Variants in TRAM2 observed in about 807,000 individuals in gnomAD.
TRAM2 encodes the protein translocating chain-associated membrane protein 2.
TRAM2 carries 12 observed loss-of-function variants against 51.0 expected under a neutral mutation model. That is an observed-to-expected ratio of 0.24 (90% CI 0.15 to 0.38). The LOEUF is 0.38. TRAM2 is among the 10% of genes least tolerant of loss of function. TRAM2 has a pLI of 1.00. For missense variants in TRAM2, 361 were observed against 462.0 expected, an observed-to-expected ratio of 0.78 and a Z score of 2.00; for synonymous variants, 175 against 179.4, an observed-to-expected ratio of 0.98 and a Z score of 0.20.
At chr6:52,533,681 T>A (rs1216643750) in intron 2 of TRAM2, among the ~76,000 whole-genome samples, 2 of 152,228 alleles carry the variant, frequency 1.3e-5, no homozygotes, top group African/African-American at 4.8e-5. Context: ...CATGGCTATA[T>A]CCTCCATGAG....
intron 1 of TRAM2, among the ~76,000 whole-genome samples, chr6:52,544,037 C>A (rs538781851): frequency 6.6e-6 from 1 of 152,116 alleles, no homozygotes; most frequent in Non-Finnish European, 1.5e-5. Flanking sequence ...GCATGTTGAC[C>A]CCCACATTTT....
At chr6:52,503,508 TCTGA>T (rs1766281407) in intron 10 of TRAM2, among the ~76,000 whole-genome samples, 1 of 151,886 alleles carries the variant, frequency 6.6e-6, no homozygotes, top group African/African-American at 2.4e-5. Context: ...AGGCTTGGTC[TCTGA>T]CTGCACTTTA....
Position 52,504,722 on chromosome 6 carries a change from TG to T in TRAM2, c.907del (p.Gln303ArgfsTer52). The T allele has an allele frequency of 6.2e-7, 1 of 1,610,500 alleles. No homozygotes were observed. Among genetic ancestry groups the T allele is most frequent in the Non-Finnish European group, 8.5e-7 (1 of 1,179,038 alleles). The stretch of plus-strand genomic sequence containing the variant: ...GATGAAGCGCCACATGAGCCAGGCC[TG>T]GGCGGCACACACCAGCAGCAGCACG... ...LCVLLLVCAA[Q>X]AWLMWRFIHS... On this transcript the variant is annotated frameshift_variant, in exon 10 of 11. Coordinates refer to ENST00000182527, the MANE Select transcript of TRAM2 (RefSeq NM_012288.4). LOFTEE classifies it high-confidence loss of function.
chr6:52,572,005 C>T (rs568502879), intron 1 of TRAM2, among the ~76,000 whole-genome samples: 148 of 152,266 alleles, frequency 9.7e-4, no homozygotes, highest in African/African-American at 3.5e-3. Flanking sequence ...CACATTTGTG[C>T]CAAGGAAAGA....
intron 2 of TRAM2, among the ~76,000 whole-genome samples, chr6:52,529,042 C>G (rs1219547497): frequency 2.0e-5 from 3 of 152,106 alleles, no homozygotes; most frequent in Non-Finnish European, 4.4e-5. Flanking sequence ...AAGTGCCCAC[C>G]ACCACGCCCG....
intron 2 of TRAM2, among the ~76,000 whole-genome samples, chr6:52,529,189 C>A (rs1358626240): frequency 6.6e-6 from 1 of 152,182 alleles, no homozygotes; most frequent in East Asian, 1.9e-4. Flanking sequence ...CCGTGCCCAG[C>A]CACAAATGTG....
rs1345493385 is a variant in TRAM2, at chr6:52,497,652, A to G, written c.*5545T>C. 6.6e-6 allele frequency: 1 copy of G among 152,444 alleles called. No homozygotes were observed. The highest frequency in any genetic ancestry group is 1.5e-5 in the Non-Finnish European group (1 of 68,032). The allele number at this position is 152,444 out of a possible 1,614,324, so 9.4% of individuals were successfully genotyped here. On this transcript the variant is annotated 3_prime_UTR_variant, in exon 11 of 11. Transcript: ENST00000182527. The stretch of plus-strand genomic sequence containing the variant: ...AGTTCCTTGTTGAAATTTGGTCCAT[A>G]TGAACAGGCTAGAGTAGAAAACAGA...
At chr6:52,512,901 C>T (rs1303063744) in intron 4 of TRAM2, among the ~76,000 whole-genome samples, 4 of 152,208 alleles carry the variant, frequency 2.6e-5, no homozygotes, top group African/African-American at 4.8e-5. Context: ...GGTACAAGCA[C>T]CAGCATTAAG....
chr6:52,513,226 T>C (rs547717322), intron 4 of TRAM2, among the ~76,000 whole-genome samples: 3 of 152,348 alleles, frequency 2.0e-5, no homozygotes, highest in Admixed American at 1.3e-4. Context: ...AGGAATTTGC[T>C]TTTTTGAACT....
At chr6:52,531,739 A>G (rs1022407035) in intron 2 of TRAM2, among the ~76,000 whole-genome samples, 1 of 152,178 alleles carries the variant, frequency 6.6e-6, no homozygotes, top group Non-Finnish European at 1.5e-5. Context: ...CCACACTCAG[A>G]AACATCTTCT....
intron 1 of TRAM2, among the ~76,000 whole-genome samples, chr6:52,561,393 C>CT (rs536384086): frequency 9.0e-4 from 137 of 152,322 alleles, no homozygotes; most frequent in African/African-American, 3.2e-3. Flanking sequence ...AATGATTCTC[C>CT]TGCCTCAGCC....
At chr6:52,566,249 G>A (rs1181760663) in intron 1 of TRAM2, among the ~76,000 whole-genome samples, 1 of 152,072 alleles carries the variant, frequency 6.6e-6, no homozygotes, top group African/African-American at 2.4e-5. Context: ...AACTTTCACT[G>A]TCCTTGCCCG....
At chr6:52,508,104 C>T in intron 6 of TRAM2, 130 bp downstream of exon 6, 1 of 813,002 alleles carries the variant, frequency 1.2e-6, no homozygotes. Context: ...GTTGCTCAAT[C>T]CCCAACATAT....
Position 52,516,139 on chromosome 6 carries a change from A to G in TRAM2, c.295-17T>C. On this transcript the variant is annotated splice_polypyrimidine_tract_variant and intron_variant, in intron 3 of 10. Transcript: ENST00000182527. ...GCTGATTTTCTAAAGAATAAAGAAAACCCCTCATATTAATATACAAATGTA... is the reference window on the plus strand; with the variant it reads ...GCTGATTTTCTAAAGAATAAAGAAAGCCCCTCATATTAATATACAAATGTA... The G allele has an allele frequency of 2.5e-6, 4 of 1,604,154 alleles. No homozygotes were observed. Among genetic ancestry groups the G allele is most frequent in the Non-Finnish European group, 3.4e-6 (4 of 1,171,526 alleles).
intron 1 of TRAM2, among the ~76,000 whole-genome samples, chr6:52,541,454 T>G (rs955422054): frequency 4.6e-5 from 7 of 152,184 alleles, no homozygotes; most frequent in African/African-American, 1.7e-4. Flanking sequence ...AAAGGTAAAC[T>G]TTACCTGATT....
At chr6:52,565,533 G>A (rs985302626) in intron 1 of TRAM2, among the ~76,000 whole-genome samples, 4 of 152,116 alleles carry the variant, frequency 2.6e-5, no homozygotes, top group Non-Finnish European at 5.9e-5. Flanking sequence ...GTCACCAACA[G>A]GCCTTGGTAA....
At chr6:52,558,789 T>C (rs1767451964) in intron 1 of TRAM2, among the ~76,000 whole-genome samples, 1 of 152,174 alleles carries the variant, frequency 6.6e-6, no homozygotes, top group Admixed American at 6.5e-5. Context: ...ATACGATCCC[T>C]CTATTAGGCT....
chr6:52,564,700 A>C (rs1767560936), intron 1 of TRAM2, among the ~76,000 whole-genome samples: 1 of 152,158 alleles, frequency 6.6e-6, no homozygotes. Context: ...TGGAAGCAGA[A>C]TCTACACCTC....
At chr6:52,512,895 C>T (rs1403178798) in intron 4 of TRAM2, among the ~76,000 whole-genome samples, 1 of 152,204 alleles carries the variant, frequency 6.6e-6, no homozygotes, top group African/African-American at 2.4e-5. Context: ...GGTCCTGGTA[C>T]AAGCACCAGC....
Sources: allele counts gnomAD v4.1 joint callset (sites outside exome capture counted in the v4.1 genomes callset), GRCh38; gene constraint gnomAD v4.1.1; transcripts MANE v1.5; gene names NCBI Gene and HGNC (gene_info 2026-07-23, HGNC 2026-07-21).